Variants in NMNAT2 observed in about 807,000 individuals in gnomAD.
NMNAT2 encodes the protein nicotinamide nucleotide adenylyltransferase 2.
A neutral mutation model predicts 41.6 loss-of-function variants in NMNAT2; 11 were observed. That is an observed-to-expected ratio of 0.26 (90% CI 0.17 to 0.44). NMNAT2 has a LOEUF of 0.44. Ranked by LOEUF, NMNAT2 falls within the 20% of genes least tolerant of loss-of-function variation. The pLI, the probability that NMNAT2 is intolerant of heterozygous loss-of-function variation, is 1.00. For synonymous variants in NMNAT2, 148 were observed against 151.2 expected, an observed-to-expected ratio of 0.98 and a Z score of 0.16; for missense variants, 288 against 407.7, an observed-to-expected ratio of 0.71 and a Z score of 2.53.
At chr1:183,343,410 C>A (rs115614004) in intron 1 of NMNAT2, among the ~76,000 whole-genome samples, 1 of 152,314 alleles carries the variant, frequency 6.6e-6, no homozygotes, top group East Asian at 1.9e-4. Flanking sequence ...TCCTGACCAT[C>A]CCATCTCCAG....
At chr1:183,407,670 T>C (rs561284407) in intron 1 of NMNAT2, among the ~76,000 whole-genome samples, 1 of 152,236 alleles carries the variant, frequency 6.6e-6, no homozygotes, top group South Asian at 2.1e-4. Flanking sequence ...CATAGCACAA[T>C]GTGCTAAGTA....
In NMNAT2 at chr1:183,248,310, C is replaced by A. The variant is rs1660281936; in HGVS notation, c.*4331G>T. ...AAACTCTTGCCCATGACTATTCTAG[C>A]AACAAAATTGTACTCAAAATATTTC... On this transcript the variant is annotated 3_prime_UTR_variant, in exon 11 of 11. Coordinates refer to ENST00000287713, the MANE Select transcript of NMNAT2 (RefSeq NM_015039.4). 1 of 152,590 alleles carries A rather than the reference C, an allele frequency of 6.6e-6. No individual in the cohort carries two copies. The highest frequency in any genetic ancestry group is 2.1e-4 in the South Asian group (1 of 4,816). 9.5% of individuals were successfully genotyped at this position (152,590 alleles called of 1,614,324 possible).
At chr1:183,300,233 C>G (rs1387588218) in intron 1 of NMNAT2, among the ~76,000 whole-genome samples, 1 of 152,064 alleles carries the variant, frequency 6.6e-6, no homozygotes, top group African/African-American at 2.4e-5. Context: ...GAAACCCCGT[C>G]TGTACTAAAA....
chr1:183,284,135 T>TGGGGTG, intron 6 of NMNAT2, 96 bp from the exon 7 acceptor site: 1 of 725,832 alleles, frequency 1.4e-6, no homozygotes, highest in Non-Finnish European at 2.2e-6. Flanking sequence ...ATTATTGGGA[T>TGGGGTG]GGGGTGGGGT....
chr1:183,258,949 T>G (rs941126884), intron 10 of NMNAT2, among the ~76,000 whole-genome samples: 1 of 152,158 alleles, frequency 6.6e-6, no homozygotes, highest in Non-Finnish European at 1.5e-5. Context: ...TTGATAACAA[T>G]AAAACTCTGG....
At chr1:183,306,476 C>A (rs1026365200) in intron 1 of NMNAT2, among the ~76,000 whole-genome samples, 35 of 152,230 alleles carry the variant, frequency 2.3e-4, no homozygotes, top group Non-Finnish European at 4.1e-4. Flanking sequence ...CAGTTGGTTA[C>A]CCAGCCCCTC....
intron 1 of NMNAT2, among the ~76,000 whole-genome samples, chr1:183,398,768 T>C (rs576446637): frequency 6.6e-6 from 1 of 152,194 alleles, no homozygotes; most frequent in Admixed American, 6.5e-5. Flanking sequence ...CACTCAAAAC[T>C]GCTCAACTAC....
chr1:183,401,582 T>A (rs1648809703), intron 1 of NMNAT2, among the ~76,000 whole-genome samples: 1 of 152,210 alleles, frequency 6.6e-6, no homozygotes, highest in South Asian at 2.1e-4. Context: ...CCCAAAGGAA[T>A]ATAAATTATG....
chr1:183,249,083 T>G lies in NMNAT2; in HGVS notation c.*3558A>C, dbSNP rs564363022. 1 of 152,310 alleles carries G rather than the reference T, an allele frequency of 6.6e-6. No individual in the cohort carries two copies. Among genetic ancestry groups the G allele is most frequent in the African/African-American group, 2.4e-5 (1 of 41,572 alleles). 9.4% of individuals were successfully genotyped at this position (152,310 alleles called of 1,614,324 possible). ...TTAATTCTTTCTGAGAAGCTGGAGCTTGAAACTAGAGAACATTGTTGAAAG... is the reference window on the plus strand; with the variant it reads ...TTAATTCTTTCTGAGAAGCTGGAGCGTGAAACTAGAGAACATTGTTGAAAG... On this transcript the variant is annotated 3_prime_UTR_variant, in exon 11 of 11. Transcript: ENST00000287713.
chr1:183,405,375 A>C (rs1648925601), intron 1 of NMNAT2, among the ~76,000 whole-genome samples: 1 of 152,220 alleles, frequency 6.6e-6, no homozygotes, highest in Non-Finnish European at 1.5e-5. Flanking sequence ...TGATAGGTGC[A>C]TCAAGTTCAT....
Position 183,250,284 on chromosome 1 carries a change from T to A in NMNAT2, c.*2357A>T, listed in dbSNP as rs1660341481. The A allele has an allele frequency of 1.3e-5, 2 of 152,222 alleles. No individual in the cohort carries two copies. The highest frequency in any genetic ancestry group is 2.9e-5 in the Non-Finnish European group (2 of 68,082). The allele number at this position is 152,222 out of a possible 1,614,324, so 9.4% of individuals were successfully genotyped here. A position where few individuals can be genotyped will look rare whatever the true frequency, so the allele number is the denominator to read the frequency against. On this transcript the variant is annotated 3_prime_UTR_variant, in exon 11 of 11. Coordinates refer to ENST00000287713, the MANE Select transcript of NMNAT2 (RefSeq NM_015039.4). ...CTTCCTTCACCTTCCACAAAGCAAC[T>A]CTTTCTTGGATTGATGGAGTCCGCT... is the stretch of plus-strand genomic sequence containing the variant.
At chr1:183,396,123 A>G (rs1272539987) in intron 1 of NMNAT2, among the ~76,000 whole-genome samples, 1 of 151,930 alleles carries the variant, frequency 6.6e-6, no homozygotes, top group Non-Finnish European at 1.5e-5. Context: ...CTGCAAACAA[A>G]CCCTGGCACT....
At chr1:183,293,663 G>T in intron 2 of NMNAT2, 42 bp downstream of exon 2, 2 of 1,401,862 alleles carry the variant, frequency 1.4e-6, no homozygotes, top group Non-Finnish European at 2.0e-6. Context: ...AGGGATGGGG[G>T]GACGGGGATT....
chr1:183,344,286 G>A (rs1040289041), intron 1 of NMNAT2, among the ~76,000 whole-genome samples: 5 of 152,156 alleles, frequency 3.3e-5, no homozygotes, highest in Non-Finnish European at 5.9e-5. Context: ...ACCGAGGTTC[G>A]CAGGGGTGAA....
rs1036646196 is a variant in NMNAT2, at chr1:183,321,992, A to T, written c.86-28199T>A. ...TTCCACCACATTTGGCTAATTTAAA[A>T]TTTTTTTTTTTTTGTAGAGACAGGG... On this transcript the variant is annotated intron_variant, in intron 1 of 10. Transcript: ENST00000287713. Among the ~76,000 whole-genome samples the T allele has an allele frequency of 5.7e-4, 83 of 145,186 alleles. 1 individual carries two copies. The highest frequency in any genetic ancestry group is 1.0e-3 in the African/African-American group (41 of 39,800).
chr1:183,323,000 C>T (rs367975300), intron 1 of NMNAT2, among the ~76,000 whole-genome samples: 3 of 152,080 alleles, frequency 2.0e-5, no homozygotes, highest in South Asian at 4.2e-4. Flanking sequence ...GGCGCGATTT[C>T]GGCTCGCTGC....
chr1:183,379,761 C>T (rs1374653593), intron 1 of NMNAT2, among the ~76,000 whole-genome samples: 2 of 152,144 alleles, frequency 1.3e-5, no homozygotes. Flanking sequence ...CATCACACTC[C>T]AGGATTTGGT....
chr1:183,364,389 A>C (rs991591870), intron 1 of NMNAT2, among the ~76,000 whole-genome samples: 1 of 152,216 alleles, frequency 6.6e-6, no homozygotes, highest in African/African-American at 2.4e-5. Flanking sequence ...CTGGTATCCC[A>C]TTGGCAACTC....
At chr1:183,303,059 G>A (rs557277561) in intron 1 of NMNAT2, among the ~76,000 whole-genome samples, 4 of 152,190 alleles carry the variant, frequency 2.6e-5, no homozygotes, top group African/African-American at 9.7e-5. Flanking sequence ...CATTCCAGGG[G>A]GACAAAGCGA....
Sources: allele counts gnomAD v4.1 joint callset (sites outside exome capture counted in the v4.1 genomes callset), GRCh38; gene constraint gnomAD v4.1.1; transcripts MANE v1.5; gene names NCBI Gene and HGNC (gene_info 2026-07-23, HGNC 2026-07-21).